The following COL4A1 variants were observed in gnomAD, a reference collection of about 807,000 sequenced individuals.
The protein encoded by COL4A1 is collagen alpha-1(IV) chain.
Under a neutral mutation model 216.6 loss-of-function variants are expected in COL4A1, and 40 were observed. The ratio of observed to expected loss-of-function variants is 0.18; its 90% CI spans 0.14 to 0.24. The LOEUF (loss-of-function observed/expected upper bound fraction) is 0.24. Among genes scored for constraint, COL4A1 ranks in the 10% least tolerant of loss-of-function variants. The pLI is 1.00. For synonymous variants in COL4A1, 839 were observed against 810.7 expected (o/e 1.03, Z -0.59); for missense variants, 1,628 against 2,196.8 (o/e 0.74, Z 5.18).
chr13:110,300,175 T>C (rs182728258), intron 1 of COL4A1, among the ~76,000 whole-genome samples: 67 of 152,298 alleles, frequency 4.4e-4, no homozygotes, highest in Non-Finnish European at 8.8e-4. Flanking sequence ...ATGGTTATCA[T>C]TGAGTTTATC....
chr13:110,261,440 C>T (rs1594100072), intron 1 of COL4A1, among the ~76,000 whole-genome samples: 3 of 152,334 alleles, frequency 2.0e-5, no homozygotes, highest in East Asian at 3.9e-4. Flanking sequence ...GAAGTGCTAC[C>T]GCTGTTTAGA....
At chr13:110,253,760 A>T (rs113330458) in intron 1 of COL4A1, among the ~76,000 whole-genome samples, 1 of 90,634 alleles carries the variant, frequency 1.1e-5, no homozygotes, top group Non-Finnish European at 2.8e-5. Flanking sequence ...ACATATAATT[A>T]TACGTATGTA....
chr13:110,274,174 A>G (rs2139292858), intron 1 of COL4A1, among the ~76,000 whole-genome samples: 1 of 152,370 alleles, frequency 6.6e-6, no homozygotes, highest in South Asian at 2.1e-4. Context: ...ATGAGGAGAC[A>G]GCAGTGGTAT....
chr13:110,192,939 TA>T (rs746126906), intron 22 of COL4A1, 26 bp from the exon 23 acceptor site: 39 of 1,604,546 alleles, frequency 2.4e-5, no homozygotes, highest in South Asian at 3.3e-5. Context: ...CAAAGGTGCT[TA>T]CGTGTAACAT....
At chr13:110,266,522 G>T (rs1883043083) in intron 1 of COL4A1, among the ~76,000 whole-genome samples, 1 of 152,192 alleles carries the variant, frequency 6.6e-6, no homozygotes. Context: ...AAGAACAGCA[G>T]CCCAAAGAAA....
chr13:110,219,870 G>GTA lies in COL4A1; in HGVS notation c.145-5857_145-5856dup, dbSNP rs112601949. Among the ~76,000 whole-genome samples, 61 of 103,482 alleles carry GTA rather than the reference G, an allele frequency of 5.9e-4. 1 individual carries two copies. Among genetic ancestry groups the GTA allele is most frequent in the African/African-American group, 1.5e-3 (43 of 27,844 alleles). 67.9% of individuals were successfully genotyped at this position (103,482 alleles called of 152,430 possible). ...TGTATATATATGTATATATGTGTGT[G>GTA]TATATATGTATATATATGTGTGTAT... On this transcript the variant is annotated intron_variant, in intron 2 of 51. Coordinates refer to ENST00000375820, the MANE Select transcript of COL4A1 (RefSeq NM_001845.6).
At chr13:110,163,984 C>CTTTTTTTT (rs58236306) in intron 46 of COL4A1, among the ~76,000 whole-genome samples, 1 of 110,254 alleles carries the variant, frequency 9.1e-6, no homozygotes. Flanking sequence ...TTCTCTCTCT[C>CTTTTTTTT]TTTTTTTTTT....
At chr13:110,174,577 T>C in intron 38 of COL4A1, 46 bp downstream of exon 38, 1 of 1,614,186 alleles carries the variant, frequency 6.2e-7, no homozygotes, top group Non-Finnish European at 8.5e-7. Flanking sequence ...GGCTTTTCTT[T>C]GATTTCTTAG....
chr13:110,232,346 C>A (rs1012639358), intron 2 of COL4A1, among the ~76,000 whole-genome samples: 4 of 152,208 alleles, frequency 2.6e-5, no homozygotes, highest in Non-Finnish European at 5.9e-5. Context: ...AACCACTTCA[C>A]AAGGATGAAG....
chr13:110,274,711 T>C (rs1285063194), intron 1 of COL4A1, among the ~76,000 whole-genome samples: 1 of 152,142 alleles, frequency 6.6e-6, no homozygotes, highest in African/African-American at 2.4e-5. Flanking sequence ...TGTGCACTGA[T>C]AGCCACAGTA....
intron 1 of COL4A1, among the ~76,000 whole-genome samples, chr13:110,267,605 G>A (rs565872440): frequency 3.4e-4 from 52 of 152,224 alleles, no homozygotes; most frequent in African/African-American, 1.2e-3. Flanking sequence ...GCTGGGCTCT[G>A]TACTCTTCAG....
chr13:110,289,498 T>C (rs1023479109), intron 1 of COL4A1, among the ~76,000 whole-genome samples: 1 of 152,048 alleles, frequency 6.6e-6, no homozygotes, highest in African/African-American at 2.4e-5. Context: ...GTCTACCTTC[T>C]CAGGAAGCTC....
At chr13:110,217,793 T>C in intron 2 of COL4A1, among the ~76,000 whole-genome samples, 1 of 152,172 alleles carries the variant, frequency 6.6e-6, no homozygotes, top group East Asian at 1.9e-4. Context: ...GATGAAAGAA[T>C]ACAACATGGA....
chr13:110,180,670 T>C (rs1878106959), intron 29 of COL4A1, among the ~76,000 whole-genome samples: 1 of 152,270 alleles, frequency 6.6e-6, no homozygotes, highest in Non-Finnish European at 1.5e-5. Context: ...GGCAAGTTGG[T>C]AGCAGAATAT....
intron 25 of COL4A1, 113 bp from the exon 26 acceptor site, chr13:110,186,666 CTATT>C: frequency 7.4e-7 from 1 of 1,345,400 alleles, no homozygotes; most frequent in South Asian, 1.3e-5. Flanking sequence ...CTGGCTCACA[CTATT>C]TATTTACTTC....
intron 1 of COL4A1, among the ~76,000 whole-genome samples, chr13:110,261,909 C>T (rs1006215028): frequency 2.0e-5 from 3 of 152,240 alleles, no homozygotes; most frequent in African/African-American, 7.2e-5. Context: ...TGACTCATTT[C>T]GAGGCCAGCA....
At chr13:110,178,709 T>G (rs1878002727) in intron 31 of COL4A1, among the ~76,000 whole-genome samples, 1 of 151,994 alleles carries the variant, frequency 6.6e-6, no homozygotes, top group Admixed American at 6.5e-5. Flanking sequence ...AAGGTCTCTT[T>G]GTTTGGCACA....
chr13:110,287,082 C>T (rs927763189), intron 1 of COL4A1, among the ~76,000 whole-genome samples: 3 of 152,164 alleles, frequency 2.0e-5, no homozygotes, highest in Admixed American at 1.3e-4. Flanking sequence ...AGAGGCCACC[C>T]ACCTAGGAAG....
chr13:110,242,006 G>A (rs1263494549), intron 2 of COL4A1, among the ~76,000 whole-genome samples: 5 of 152,260 alleles, frequency 3.3e-5, no homozygotes, highest in Admixed American at 6.5e-5. Context: ...TGGTTTCCAC[G>A]GTGACCCACA....
Sources: gnomAD v4.1 joint callset for allele counts (sites outside exome capture counted in the v4.1 genomes callset) on GRCh38, gnomAD v4.1.1 for gene constraint, MANE v1.5 for transcripts, NCBI Gene and HGNC (gene_info 2026-07-23, HGNC 2026-07-21) for gene names.